The following MBNL2 variants were observed in gnomAD, a reference collection of about 807,000 sequenced individuals.
The protein encoded by MBNL2 is muscleblind-like protein 2.
Under a neutral mutation model 41.9 loss-of-function variants are expected in MBNL2, and 17 were observed. The observed-to-expected ratio is 0.41, with a 90% confidence interval of 0.28 to 0.61. The LOEUF (loss-of-function observed/expected upper bound fraction) is 0.61. Among genes scored for constraint, MBNL2 ranks in the 20% least tolerant of loss-of-function variants. The pLI, the probability that MBNL2 is intolerant of heterozygous loss-of-function variation, is 0.35. For missense variants in MBNL2, 336 were observed against 505.6 expected (o/e 0.66, Z 3.22); for synonymous variants, 195 against 182.9 (o/e 1.07, Z -0.53).
the MBNL2 span, among the ~76,000 whole-genome samples, chr13:97,184,385 T>G: frequency 6.6e-6 from 1 of 152,202 alleles, no homozygotes; most frequent in East Asian, 1.9e-4. Flanking sequence ...CTCCCTGGGT[T>G]CCATGATGTT....
chr13:97,289,872 T>G (rs2055466486), intron 2 of MBNL2, among the ~76,000 whole-genome samples: 1 of 152,210 alleles, frequency 6.6e-6, no homozygotes, highest in African/African-American at 2.4e-5. Context: ...TAAGCAAAAC[T>G]TAACTTGAGC....
the MBNL2 span, among the ~76,000 whole-genome samples, chr13:97,195,073 C>T: frequency 6.6e-6 from 1 of 152,086 alleles, no homozygotes; most frequent in South Asian, 2.1e-4. Flanking sequence ...GAACTCGCCT[C>T]GAATTCTTTC....
intron 1 of MBNL2, among the ~76,000 whole-genome samples, chr13:97,242,913 A>G (rs1214394657): frequency 1.3e-5 from 2 of 152,146 alleles, no homozygotes; most frequent in African/African-American, 4.8e-5. Context: ...GTGCTGGTGG[A>G]AGGAAAATGA....
chr13:97,319,944 T>C (rs932193028), intron 2 of MBNL2, among the ~76,000 whole-genome samples: 2 of 152,184 alleles, frequency 1.3e-5, no homozygotes, highest in African/African-American at 4.8e-5. Flanking sequence ...GGGGTTGTTA[T>C]AGTTTATTTT....
chr13:97,187,432 G>A, the MBNL2 span, among the ~76,000 whole-genome samples: 1 of 151,526 alleles, frequency 6.6e-6, no homozygotes, highest in Non-Finnish European at 1.5e-5. Flanking sequence ...TGAAAGAGAA[G>A]CTAAAAGGTT....
chr13:97,191,442 T>C, the MBNL2 span, among the ~76,000 whole-genome samples: 3 of 151,550 alleles, frequency 2.0e-5, no homozygotes, highest in South Asian at 4.2e-4. Context: ...CTTCAAACCA[T>C]CTGCCAGCTT....
At chr13:97,193,498 A>C in the MBNL2 span, among the ~76,000 whole-genome samples, 8 of 152,248 alleles carry the variant, frequency 5.3e-5, no homozygotes, top group East Asian at 1.5e-3. Context: ...CCTGCAGCTG[A>C]ACTGAGTTTG....
intron 1 of MBNL2, among the ~76,000 whole-genome samples, chr13:97,227,235 A>C (rs575672066): frequency 9.9e-5 from 15 of 152,252 alleles, no homozygotes; most frequent in African/African-American, 3.1e-4. Flanking sequence ...AGCCATGTTT[A>C]TAGAACTCTT....
the MBNL2 span, among the ~76,000 whole-genome samples, chr13:97,187,938 ATTTC>A: frequency 4.0e-5 from 6 of 151,662 alleles, no homozygotes; most frequent in Admixed American, 6.6e-5. Context: ...GGCACAATAT[ATTTC>A]TTTAAATGCA....
intron 8 of MBNL2, among the ~76,000 whole-genome samples, chr13:97,371,631 C>G (rs2153135803): frequency 6.6e-6 from 1 of 152,108 alleles, no homozygotes; most frequent in Non-Finnish European, 1.5e-5. Flanking sequence ...AAACAGTACT[C>G]TAGGAAGAGT....
intron 8 of MBNL2, among the ~76,000 whole-genome samples, chr13:97,380,605 G>A (rs945687951): frequency 2.6e-5 from 4 of 152,144 alleles, no homozygotes; most frequent in African/African-American, 9.7e-5. Context: ...GGTCTTACAT[G>A]GTGAGGGGGA....
At chr13:97,341,088 G>A (rs1222327968) in intron 3 of MBNL2, among the ~76,000 whole-genome samples, 4 of 152,212 alleles carry the variant, frequency 2.6e-5, no homozygotes, top group Middle Eastern at 6.8e-3. Context: ...AAATGTTTAC[G>A]TTGATAGTCT....
the MBNL2 span, among the ~76,000 whole-genome samples, chr13:97,212,235 G>A: frequency 6.6e-6 from 1 of 152,144 alleles, no homozygotes; most frequent in Non-Finnish European, 1.5e-5. Flanking sequence ...TTCCAGAATT[G>A]CTCCTGGGGT....
At chr13:97,305,265 T>C (rs2058022638) in intron 2 of MBNL2, among the ~76,000 whole-genome samples, 1 of 152,244 alleles carries the variant, frequency 6.6e-6, no homozygotes, top group Non-Finnish European at 1.5e-5. Context: ...TTCTTTCTAC[T>C]ACCCCTATGC....
chr13:97,148,133 G>A, the MBNL2 span, among the ~76,000 whole-genome samples: 1 of 152,190 alleles, frequency 6.6e-6, no homozygotes, highest in African/African-American at 2.4e-5. Flanking sequence ...ACAAAGCACA[G>A]TAAACTCCTG....
At chr13:97,358,877 G>A (rs1038266221) in intron 7 of MBNL2, among the ~76,000 whole-genome samples, 13 of 152,138 alleles carry the variant, frequency 8.5e-5, no homozygotes, top group African/African-American at 3.1e-4. Context: ...ATCAGAGGGA[G>A]GTAAAATATT....
chr13:97,218,440 C>CAAACAAAA (rs1555302256), upstream of MBNL2, among the ~76,000 whole-genome samples: 3 of 117,974 alleles, frequency 2.5e-5, no homozygotes, highest in African/African-American at 1.0e-4. Context: ...CAAAACAAAA[C>CAAACAAAA]AAAAAAAAAA....
In MBNL2 at chr13:97,311,052, A is replaced by C. The variant is rs77536907; in HGVS notation, c.175-23224A>C. 4.0e-3 allele frequency among the ~76,000 whole-genome samples: 615 copies of C among 152,320 alleles called. 3 individuals are homozygous for C. Among genetic ancestry groups the C allele is most frequent in the African/African-American group, 0.014 (597 of 41,570 alleles). Reference sequence around the variant, plus strand: ...ATAGGCAGATTCAAGACACATTAAAAGCCATGCAAAAATCCATACTCCTTA... The same window carrying C: ...ATAGGCAGATTCAAGACACATTAAACGCCATGCAAAAATCCATACTCCTTA... On this transcript the variant is annotated intron_variant, in intron 2 of 8. Transcript: ENST00000679496.
At chr13:97,273,011 A>C (rs1594129526) in intron 1 of MBNL2, among the ~76,000 whole-genome samples, 4 of 152,340 alleles carry the variant, frequency 2.6e-5, no homozygotes, top group Admixed American at 2.6e-4. Context: ...TACAGCATTC[A>C]CTGAACTGCA....
Sources: allele counts gnomAD v4.1 joint callset (sites outside exome capture counted in the v4.1 genomes callset), GRCh38; gene constraint gnomAD v4.1.1; transcripts MANE v1.5; gene names NCBI Gene and HGNC (gene_info 2026-07-23, HGNC 2026-07-21).